ZNF391: variants seen among roughly 807,000 people sequenced by gnomAD.
The protein encoded by ZNF391 is zinc finger protein 391.
For missense variants in ZNF391, 375 were observed against 425.5 expected, an observed-to-expected ratio of 0.88 and a Z score of 1.04; for synonymous variants, 126 against 142.1, an observed-to-expected ratio of 0.89 and a Z score of 0.80.
Position 27,400,954 on chromosome 6 carries a change from G to T in ZNF391, c.584G>T (p.Cys195Phe), listed in dbSNP as rs1180576639. Residue 195 changes from cysteine (C) to phenylalanine (F), a missense_variant, in exon 3 of 3, where the codon TGT becomes TTT. Coordinates refer to ENST00000244576, the MANE Select transcript of ZNF391 (RefSeq NM_001076781.3). ...RIHTGEKPYE[C>F]SECGKAFSRS... ...CATACTGGAGAAAAACCATATGAAT[G>T]TAGTGAATGTGGAAAAGCCTTTAGC... The T allele has an allele frequency of 6.2e-7, 1 of 1,614,082 alleles. No homozygotes were observed. The highest frequency in any genetic ancestry group is 8.5e-7 in the Non-Finnish European group (1 of 1,180,042).
chr6:27,379,525 A>C (rs1415549263), intron 1 of ZNF391, among the ~76,000 whole-genome samples: 2 of 152,204 alleles, frequency 1.3e-5, no homozygotes, highest in African/African-American at 4.8e-5. Flanking sequence ...TTTAATCTAA[A>C]GCCCAGTCAG....
At chr6:27,382,050 A>C in intron 1 of ZNF391, among the ~76,000 whole-genome samples, 1 of 147,576 alleles carries the variant, frequency 6.8e-6, no homozygotes, top group South Asian at 2.2e-4. Context: ...AAAAAAAAAA[A>C]GGCCGGCTGC....
intron 1 of ZNF391, among the ~76,000 whole-genome samples, chr6:27,377,472 A>G (rs1042323470): frequency 6.6e-6 from 1 of 152,250 alleles, no homozygotes; most frequent in Non-Finnish European, 1.5e-5. Flanking sequence ...TCACTGAGAT[A>G]GATGCATATC....
chr6:27,385,016 C>T (rs1405893919), upstream of ZNF391, among the ~76,000 whole-genome samples: 1 of 104,204 alleles, frequency 9.6e-6, no homozygotes, highest in African/African-American at 3.6e-5. Context: ...GACTCCATCT[C>T]AAAAAAAAAA....
chr6:27,399,219 G>A (rs553665047), intron 1 of ZNF391, among the ~76,000 whole-genome samples: 1 of 152,292 alleles, frequency 6.6e-6, no homozygotes, highest in African/African-American at 2.4e-5. Context: ...TAATTCTGAT[G>A]TGTATGTGTG....
chr6:27,396,251 C>T (rs570458541), intron 1 of ZNF391, among the ~76,000 whole-genome samples: 3 of 152,064 alleles, frequency 2.0e-5, no homozygotes, highest in Admixed American at 6.6e-5. Flanking sequence ...GATTTATAAT[C>T]GAATAATATG....
At chr6:27,382,892 G>A (rs568897367) in intron 1 of ZNF391, among the ~76,000 whole-genome samples, 2 of 152,200 alleles carry the variant, frequency 1.3e-5, no homozygotes, top group African/African-American at 4.8e-5. Flanking sequence ...GGCCAAGGTG[G>A]GCAGATCACT....
intron 1 of ZNF391, among the ~76,000 whole-genome samples, chr6:27,393,853 C>T (rs530901620): frequency 6.6e-6 from 1 of 152,292 alleles, no homozygotes; most frequent in African/African-American, 2.4e-5. Context: ...AACTTGGTTG[C>T]CTTGTGCCCC....
upstream of ZNF391, chr6:27,388,697 T>G: frequency 3.0e-6 from 1 of 332,064 alleles, no homozygotes; most frequent in South Asian, 2.4e-5. Context: ...ACAGCCCTGC[T>G]GTAGCTGGCT....
In ZNF391 at chr6:27,378,035, G is replaced by A. The variant is rs745530819; in HGVS notation, n.523+2898G>A. 1.5e-4 allele frequency among the ~76,000 whole-genome samples: 23 copies of A among 152,294 alleles called. 1 individual carries two copies. In the Middle Eastern group the frequency reaches 0.01, roughly 68 times the overall value. ...AGATTTACAAACTTCACAAGACTGT[G>A]TACATGTTTTAAAGAAAAATATTGC... On this transcript the variant is annotated intron_variant and non_coding_transcript_variant, in intron 1 of 2. Coordinates refer to the ZNF391 transcript ENST00000477999.
At chr6:27,379,093 G>T (rs1581522889) in intron 1 of ZNF391, among the ~76,000 whole-genome samples, 1 of 152,184 alleles carries the variant, frequency 6.6e-6, no homozygotes, top group East Asian at 1.9e-4. Flanking sequence ...TACTCAAACT[G>T]CTTCACATGC....
chr6:27,396,913 T>C (rs1761838397), intron 1 of ZNF391, among the ~76,000 whole-genome samples: 1 of 152,186 alleles, frequency 6.6e-6, no homozygotes, highest in African/African-American at 2.4e-5. Context: ...CTATCATCCC[T>C]GGCCCCCATT....
chr6:27,394,240 G>T (rs1164562875), intron 1 of ZNF391, among the ~76,000 whole-genome samples: 1 of 152,204 alleles, frequency 6.6e-6, no homozygotes, highest in Non-Finnish European at 1.5e-5. Context: ...CCCATCATAG[G>T]CTGAGAGGCC....
At chr6:27,383,272 G>C (rs556399072) in intron 1 of ZNF391, among the ~76,000 whole-genome samples, 2 of 150,892 alleles carry the variant, frequency 1.3e-5, no homozygotes, top group African/African-American at 4.9e-5. Flanking sequence ...CAAAGACAGG[G>C]GGTGGGGAAG....
At position 27,401,586 on chromosome 6, in the gene ZNF391, C is replaced by G; in HGVS notation, c.*139C>G. 1 of 575,620 alleles carries G rather than the reference C, an allele frequency of 1.7e-6. No individual in the cohort carries two copies. The highest frequency in any genetic ancestry group is 2.8e-6 in the Non-Finnish European group (1 of 354,874). The allele number at this position is 575,620 out of a possible 1,614,324, so 35.7% of individuals were successfully genotyped here. ...CCTATACCCGTTTTAAGCTTTCATT[C>G]GTTCTTTCCATCCATCTATCCTTCT... On this transcript the variant is annotated 3_prime_UTR_variant, in exon 3 of 3. Coordinates refer to ENST00000244576, the MANE Select transcript of ZNF391 (RefSeq NM_001076781.3).
In ZNF391 at chr6:27,374,856, C is replaced by T. The variant is rs1317927741; in HGVS notation, n.242C>T. The T allele has an allele frequency of 6.6e-6, 1 of 152,272 alleles. No individual in the cohort carries two copies. Among genetic ancestry groups the T allele is most frequent in the Non-Finnish European group, 1.5e-5 (1 of 68,108 alleles). The allele number at this position is 152,272 out of a possible 1,614,324, so 9.4% of individuals were successfully genotyped here. On this transcript the variant is annotated non_coding_transcript_exon_variant, in exon 1 of 3. Transcript: ENST00000477999. The surrounding 1 kb of genome is among the most constrained non-coding windows in gnomAD (Gnocchi z 5.3). ...TAATGTCAGTAGCCACAGTCGCCGC[C>T]GCTCCTGCGCCTAGAAGCCTTCCAC...
chr6:27,375,645 G>A (rs1761405853), intron 1 of ZNF391, among the ~76,000 whole-genome samples: 1 of 152,132 alleles, frequency 6.6e-6, no homozygotes, highest in Non-Finnish European at 1.5e-5. Context: ...TCGCATTTGA[G>A]AAGGCAAAAA....
chr6:27,391,150 A>AT (rs1761702186), intron 1 of ZNF391: 1 of 133,946 alleles, frequency 7.5e-6, no homozygotes, highest in Non-Finnish European at 1.6e-5. Context: ...GTCCATTGTC[A>AT]TTTTCTTTAT....
At chr6:27,397,688 G>A (rs138401175) in intron 1 of ZNF391, among the ~76,000 whole-genome samples, 1,977 of 152,192 alleles carry the variant, frequency 0.013, 22 homozygotes, top group African/African-American at 0.033. Flanking sequence ...GGAGTGCAGC[G>A]GTGCGATCTC....
Sources: gnomAD v4.1 joint callset for allele counts (sites outside exome capture counted in the v4.1 genomes callset) on GRCh38, gnomAD v4.1.1 for gene constraint, Gnocchi (gnomAD v3.1) non-coding constraint, MANE v1.5 for transcripts, NCBI Gene and HGNC (gene_info 2026-07-23, HGNC 2026-07-21) for gene names.